NTM: variants seen among roughly 807,000 people sequenced by gnomAD.
NTM encodes the protein neurotrimin, also known as IgLON family member 2.
Under a neutral mutation model 42.1 loss-of-function variants are expected in NTM, and 13 were observed. The ratio of observed to expected loss-of-function variants is 0.31; its 90% CI spans 0.20 to 0.49. The LOEUF (loss-of-function observed/expected upper bound fraction) is 0.49. Among genes scored for constraint, NTM ranks in the 20% least tolerant of loss-of-function variants. The pLI, the probability that NTM is intolerant of heterozygous loss-of-function variation, is 0.99. For synonymous variants in NTM, 187 were observed against 179.2 expected, an observed-to-expected ratio of 1.04 and a Z score of -0.35; for missense variants, 373 against 452.8, an observed-to-expected ratio of 0.82 and a Z score of 1.60.
At chr11:131,851,235 A>T (rs1565628977) in intron 1 of NTM, among the ~76,000 whole-genome samples, 1 of 152,160 alleles carries the variant, frequency 6.6e-6, no homozygotes. Flanking sequence ...AATCTTTGGT[A>T]TCATAGAGCA....
At chr11:132,023,373 G>T (rs2074641416) in intron 2 of NTM, among the ~76,000 whole-genome samples, 1 of 152,174 alleles carries the variant, frequency 6.6e-6, no homozygotes, top group East Asian at 1.9e-4. Context: ...ATGCACTACA[G>T]CTGGGAAGCA....
Position 132,189,325 on chromosome 11 carries a change from C to T in NTM, c.401-22697C>T, listed in dbSNP as rs560001894. ...AATACTTCAACTTGGAGACACCTGT[C>T]CTATGTTCCTTAAAGATGCTCAGCT... is the stretch of plus-strand genomic sequence containing the variant. On this transcript the variant is annotated intron_variant, in intron 3 of 8. Coordinates refer to ENST00000683400, the MANE Select transcript of NTM (RefSeq NM_001352005.2). Among the ~76,000 whole-genome samples the T allele has an allele frequency of 2.0e-5, 3 of 152,208 alleles. No homozygotes were observed. In the South Asian group the frequency reaches 6.2e-4, roughly 32 times the overall value.
intron 1 of NTM, among the ~76,000 whole-genome samples, chr11:131,768,620 C>A (rs2085531448): frequency 6.6e-6 from 1 of 152,196 alleles, no homozygotes; most frequent in African/African-American, 2.4e-5. Context: ...AAGTCAATAA[C>A]TGCCTAGAGA....
intron 2 of NTM, among the ~76,000 whole-genome samples, chr11:132,132,484 A>G (rs886652849): frequency 2.6e-5 from 4 of 152,232 alleles, no homozygotes; most frequent in Non-Finnish European, 5.9e-5. Context: ...CAGGCATATG[A>G]GCTCAATAAA....
At chr11:132,142,161 C>T (rs1380315349) in intron 2 of NTM, among the ~76,000 whole-genome samples, 1 of 152,222 alleles carries the variant, frequency 6.6e-6, no homozygotes, top group East Asian at 1.9e-4. Flanking sequence ...GATCTGGGAA[C>T]ATCCCGCCCT....
intron 1 of NTM, among the ~76,000 whole-genome samples, chr11:131,685,633 C>T (rs983353074): frequency 2.6e-5 from 4 of 152,118 alleles, no homozygotes; most frequent in Admixed American, 6.5e-5. Context: ...GCCCGCCAAT[C>T]GCCCTATTTC....
At chr11:131,636,199 C>G (rs902330647) in intron 1 of NTM, among the ~76,000 whole-genome samples, 1 of 152,200 alleles carries the variant, frequency 6.6e-6, no homozygotes, top group Non-Finnish European at 1.5e-5. Flanking sequence ...CCACGGAGGA[C>G]TGAACACTCC....
intron 1 of NTM, among the ~76,000 whole-genome samples, chr11:131,524,106 C>T (rs1048419723): frequency 2.6e-5 from 4 of 152,162 alleles, no homozygotes; most frequent in African/African-American, 7.2e-5. Flanking sequence ...GCTTGGTGAT[C>T]CTCCCACTCC....
intron 4 of NTM, among the ~76,000 whole-genome samples, chr11:132,222,442 A>G (rs1237761552): frequency 6.6e-6 from 1 of 152,224 alleles, no homozygotes; most frequent in Non-Finnish European, 1.5e-5. Flanking sequence ...ACTCCAGGGT[A>G]TGTGTGTCCT....
chr11:131,809,099 A>T (rs186746193), intron 1 of NTM, among the ~76,000 whole-genome samples: 211 of 152,370 alleles, frequency 1.4e-3, no homozygotes, highest in Non-Finnish European at 2.3e-3. Context: ...AGACCATTCT[A>T]TATCTACAAG....
rs1275509836 is a variant in NTM at position 132,002,321 on chromosome 11, A to G, written c.167+90673A>G. 6.6e-6 allele frequency among the ~76,000 whole-genome samples: 1 copy of G among 152,192 alleles called. No homozygotes were observed. Among genetic ancestry groups the G allele is most frequent in the Non-Finnish European group, 1.5e-5 (1 of 68,040 alleles). On this transcript the variant is annotated intron_variant, in intron 2 of 8. Transcript: ENST00000683400. This position sits in a 1 kb window ranked among gnomAD's most constrained non-coding sequence, Gnocchi z 4.5. The stretch of plus-strand genomic sequence containing the variant: ...TAATAATTATTTAGTTATTTGGAAC[A>G]TTAATATGCTGGTGTATCATATATT...
At chr11:132,190,645 G>C (rs922804203) in intron 3 of NTM, among the ~76,000 whole-genome samples, 1 of 151,530 alleles carries the variant, frequency 6.6e-6, no homozygotes, top group African/African-American at 2.4e-5. Context: ...GCTGAGGCAG[G>C]AGAATCACTT....
At chr11:131,672,904 G>A (rs1428688380) in intron 1 of NTM, among the ~76,000 whole-genome samples, 1 of 78,004 alleles carries the variant, frequency 1.3e-5, no homozygotes, top group Non-Finnish European at 2.6e-5. Flanking sequence ...AGAAGACCAC[G>A]GTGCCGGGGT....
At chr11:131,724,408 C>T (rs773022840) in intron 1 of NTM, among the ~76,000 whole-genome samples, 5 of 152,150 alleles carry the variant, frequency 3.3e-5, no homozygotes, top group East Asian at 1.9e-4. Flanking sequence ...ACAACTCAAG[C>T]GTGCTGTCTG....
intron 1 of NTM, among the ~76,000 whole-genome samples, chr11:131,731,828 C>T (rs189520863): frequency 3.3e-5 from 5 of 152,280 alleles, no homozygotes; most frequent in Admixed American, 1.3e-4. Context: ...CTCCCTTATG[C>T]AGAAAAGACT....
chr11:132,250,269 C>G (rs2091781395), intron 4 of NTM, among the ~76,000 whole-genome samples: 1 of 152,204 alleles, frequency 6.6e-6, no homozygotes, highest in Non-Finnish European at 1.5e-5. Context: ...TTCTGCCTTT[C>G]TGCCCAACCT....
chr11:132,301,647 C>A (rs886367746), intron 4 of NTM, among the ~76,000 whole-genome samples: 2 of 152,174 alleles, frequency 1.3e-5, no homozygotes, highest in African/African-American at 4.8e-5. Flanking sequence ...TTGAGGTCAG[C>A]CTGGGTTTAA....
chr11:132,057,831 T>C (rs1035698790), intron 2 of NTM, among the ~76,000 whole-genome samples: 6 of 152,134 alleles, frequency 3.9e-5, no homozygotes, highest in African/African-American at 7.2e-5. Flanking sequence ...TCACTGGCGC[T>C]GTTGGTTGTT....
chr11:132,123,844 A>ACG (rs1242722088), intron 2 of NTM, among the ~76,000 whole-genome samples: 1 of 152,086 alleles, frequency 6.6e-6, no homozygotes, highest in Non-Finnish European at 1.5e-5. Flanking sequence ...GCCTTCCCCC[A>ACG]GATTCCATTC....
Sources: gnomAD v4.1 joint callset for allele counts (sites outside exome capture counted in the v4.1 genomes callset) on GRCh38, gnomAD v4.1.1 for gene constraint, Gnocchi (gnomAD v3.1) non-coding constraint, MANE v1.5 for transcripts, NCBI Gene and HGNC (gene_info 2026-07-23, HGNC 2026-07-21) for gene names.